Variants in KLRD1 observed in about 807,000 individuals in gnomAD.
KLRD1 encodes killer cell lectin like receptor D1, also known as natural killer cells antigen CD94.
In KLRD1, 21 loss-of-function variants were observed where a neutral mutation model predicts 22.6. That is an observed-to-expected ratio of 0.93 (90% CI 0.66 to 1.34). The LOEUF (loss-of-function observed/expected upper bound fraction) is 1.34, where lower values mean the gene tolerates loss of function less well. KLRD1 is among the 40% of genes most tolerant of loss of function. The pLI is 0.00. For synonymous variants in KLRD1, 59 were observed against 71.1 expected (o/e 0.83, Z 0.85); for missense variants, 183 against 208.6 (o/e 0.88, Z 0.76).
Position 10,312,470 on chromosome 12 carries a change from C to T in KLRD1, c.315+855C>T, listed in dbSNP as rs1424475273. On this transcript the variant is annotated intron_variant, in intron 4 of 5. Coordinates refer to ENST00000336164, the MANE Select transcript of KLRD1 (RefSeq NM_002262.5). Reference sequence around the variant, plus strand: ...CTTGGCTCACTGCAAGCTCCTCCTCCCGGGTTCACGCCATTCTCCTGCCTC... The same window carrying T: ...CTTGGCTCACTGCAAGCTCCTCCTCTCGGGTTCACGCCATTCTCCTGCCTC... Among the ~76,000 whole-genome samples the T allele has an allele frequency of 1.1e-4, 16 of 151,772 alleles. 1 individual carries two copies. Among genetic ancestry groups the T allele is most frequent in the African/African-American group, 3.9e-4 (16 of 41,440 alleles).
chr12:10,239,589 C>CTTTCTTTCTTTCTT (rs1949222749), intron 1 of KLRD1, among the ~76,000 whole-genome samples: 1 of 107,822 alleles, frequency 9.3e-6, no homozygotes, highest in African/African-American at 3.4e-5. Flanking sequence ...CTTTCTTTTT[C>CTTTCTTTCTTTCTT]TTTCTTTCTT....
chr12:10,300,640 A>G (rs1949858829), upstream of KLRD1, among the ~76,000 whole-genome samples: 1 of 152,244 alleles, frequency 6.6e-6, no homozygotes. Context: ...CAACTGCATT[A>G]GCACCTCTGA....
At chr12:10,257,185 T>C (rs1342583639) in intron 1 of KLRD1, among the ~76,000 whole-genome samples, 4 of 150,368 alleles carry the variant, frequency 2.7e-5, no homozygotes, top group Non-Finnish European at 5.9e-5. Context: ...CTTTGGCTTT[T>C]GCCAGTTTGA....
intron 1 of KLRD1, among the ~76,000 whole-genome samples, chr12:10,244,885 G>C (rs967290792): frequency 2.6e-5 from 4 of 152,114 alleles, no homozygotes. Flanking sequence ...ATGCAGTACT[G>C]ATTTAATTTA....
chr12:10,274,411 A>T (rs1949575185), intron 1 of KLRD1, among the ~76,000 whole-genome samples: 2 of 152,236 alleles, frequency 1.3e-5, no homozygotes, highest in Non-Finnish European at 2.9e-5. Context: ...AAAGTATCAT[A>T]GCTCCTGATA....
intron 1 of KLRD1, among the ~76,000 whole-genome samples, chr12:10,239,553 TTCTTTCTTTCTTTC>T (rs1949220884): frequency 8.0e-6 from 1 of 125,782 alleles, no homozygotes; most frequent in African/African-American, 4.2e-5. Context: ...CTTTCTTTCT[TTCTTTCTTTCTTTC>T]TTTCTTTCTT....
At chr12:10,300,953 A>G (rs1949861184), upstream of KLRD1, among the ~76,000 whole-genome samples, 2 of 152,148 alleles carry the variant, frequency 1.3e-5, no homozygotes, top group Admixed American at 6.5e-5. Flanking sequence ...CTTCCTCACC[A>G]TTCTCAGCTT....
At chr12:10,247,764 C>A (rs764698850) in intron 1 of KLRD1, among the ~76,000 whole-genome samples, 5 of 152,034 alleles carry the variant, frequency 3.3e-5, no homozygotes, top group Non-Finnish European at 7.3e-5. Flanking sequence ...CTCATAACAT[C>A]TGATGGTTTT....
At chr12:10,267,279 C>T (rs1346744784) in intron 1 of KLRD1, among the ~76,000 whole-genome samples, 2 of 152,056 alleles carry the variant, frequency 1.3e-5, no homozygotes, top group African/African-American at 4.8e-5. Context: ...TCTCAGTGTT[C>T]ATCTTCCCAC....
intron 1 of KLRD1, among the ~76,000 whole-genome samples, chr12:10,242,258 AT>A (rs748972892): frequency 9.2e-5 from 14 of 152,022 alleles, no homozygotes; most frequent in Non-Finnish European, 1.9e-4. Flanking sequence ...TGTCAAGCTG[AT>A]TTCATTTTAC....
At chr12:10,244,137 G>C (rs1949268473) in intron 1 of KLRD1, among the ~76,000 whole-genome samples, 1 of 152,090 alleles carries the variant, frequency 6.6e-6, no homozygotes, top group Admixed American at 6.5e-5. Context: ...TAAAGGATTG[G>C]TAAGGTGGTT....
At chr12:10,270,119 G>A (rs912373328) in intron 1 of KLRD1, among the ~76,000 whole-genome samples, 6 of 152,006 alleles carry the variant, frequency 3.9e-5, no homozygotes, top group Non-Finnish European at 7.4e-5. Context: ...TAGAATACTG[G>A]TACTATTTTC....
chr12:10,302,438 A>G (rs1238017874), upstream of KLRD1, among the ~76,000 whole-genome samples: 1 of 152,192 alleles, frequency 6.6e-6, no homozygotes, highest in Admixed American at 6.5e-5. Context: ...GCAATCACCC[A>G]ACAGGTTCTT....
intron 1 of KLRD1, among the ~76,000 whole-genome samples, chr12:10,257,588 G>T (rs1186354137): frequency 8.2e-6 from 1 of 121,462 alleles, no homozygotes; most frequent in South Asian, 2.6e-4. Flanking sequence ...TTTTCTATTT[G>T]TTGATATTCT....
intron 1 of KLRD1, among the ~76,000 whole-genome samples, chr12:10,283,210 G>T (rs965498286): frequency 3.9e-5 from 6 of 152,210 alleles, no homozygotes; most frequent in African/African-American, 1.4e-4. Flanking sequence ...ACTTGATGGG[G>T]ACTGGCACCA....
At chr12:10,241,849 C>T (rs1949244230) in intron 1 of KLRD1, among the ~76,000 whole-genome samples, 1 of 152,044 alleles carries the variant, frequency 6.6e-6, no homozygotes, top group Non-Finnish European at 1.5e-5. Context: ...TACTAAAGTA[C>T]TTTGCAAACA....
At chr12:10,314,543 G>GAA in intron 5 of KLRD1, 130 bp from the exon 6 acceptor site, 3 of 698,864 alleles carry the variant, frequency 4.3e-6, no homozygotes, top group Admixed American at 3.7e-5. Context: ...TGTGGTTACT[G>GAA]AAAAAAAAAG....
chr12:10,254,734 C>T (rs1366815932), intron 1 of KLRD1, among the ~76,000 whole-genome samples: 11 of 151,516 alleles, frequency 7.3e-5, no homozygotes, highest in Admixed American at 7.2e-4. Context: ...TGTAAAAATA[C>T]AAGGAAAAAT....
At chr12:10,250,201 CTTTTTTTTT>C (rs137861212) in intron 1 of KLRD1, among the ~76,000 whole-genome samples, 2 of 94,564 alleles carry the variant, frequency 2.1e-5, no homozygotes, top group Non-Finnish European at 4.0e-5. Context: ...TAACGTTTTG[CTTTTTTTTT>C]TTTTTTTTTT....
Sources: allele counts gnomAD v4.1 joint callset (sites outside exome capture counted in the v4.1 genomes callset), GRCh38; gene constraint gnomAD v4.1.1; transcripts MANE v1.5; gene names NCBI Gene and HGNC (gene_info 2026-07-23, HGNC 2026-07-21).